Variants in GRHL2 observed in about 807,000 individuals in gnomAD.
GRHL2 encodes the protein grainyhead like transcription factor 2, also known as grainyhead-like protein 2 homolog.
In GRHL2, 21 loss-of-function variants were observed where a neutral mutation model predicts 83.8. That is an observed-to-expected ratio of 0.25 (90% confidence interval 0.18 to 0.36). The LOEUF (loss-of-function observed/expected upper bound fraction) is 0.36. Among genes scored for constraint, GRHL2 ranks in the 10% least tolerant of loss-of-function variants. The probability of loss-of-function intolerance (pLI) is 1.00; values close to 1 mark genes in which losing one functional copy is unlikely to be tolerated. For synonymous variants in GRHL2, 280 were observed against 278.9 expected (o/e 1.00, Z -0.04); for missense variants, 623 against 781.8 (o/e 0.80, Z 2.42).
At position 101,669,669 on chromosome 8, in the gene GRHL2, T is replaced by TTTA. The variant is rs1465491395; in HGVS notation, c.*2969_*2971dup. The TTTA allele has an allele frequency of 1.4e-5, 2 of 147,336 alleles. No homozygotes were observed. Among genetic ancestry groups the TTTA allele is most frequent in the Admixed American group, 6.9e-5 (1 of 14,408 alleles). The allele number at this position is 147,336 out of a possible 1,614,324, so 9.1% of individuals were successfully genotyped here. A position where few individuals can be genotyped will look rare whatever the true frequency, so the allele number is the denominator to read the frequency against. ...ATCTATAAACTATAAATACAGTTAT[T>TTTA]TTATTTTTTGTACATTTTTAAGGAG... On this transcript the variant is annotated 3_prime_UTR_variant, in exon 16 of 16. Transcript: ENST00000646743.
chr8:101,577,549 C>A, intron 7 of GRHL2, 30 bp downstream of exon 7: 1 of 1,385,404 alleles, frequency 7.2e-7, no homozygotes, highest in Non-Finnish European at 1.0e-6. Flanking sequence ...CCTGTATAGT[C>A]CTCGATAAAC....
chr8:101,670,246 T>G (rs1221923890), downstream of GRHL2, among the ~76,000 whole-genome samples: 1 of 152,220 alleles, frequency 6.6e-6, no homozygotes, highest in African/African-American at 2.4e-5. Context: ...GTTTCCTTGG[T>G]GGGTACCACT....
intron 14 of GRHL2, among the ~76,000 whole-genome samples, chr8:101,654,461 T>C (rs1474092389): frequency 3.3e-5 from 5 of 152,196 alleles, no homozygotes; most frequent in Non-Finnish European, 7.3e-5. Flanking sequence ...TTGCTTCCCA[T>C]TGGAGAACCT....
At chr8:101,553,252 G>A (rs1016480686) in intron 3 of GRHL2, among the ~76,000 whole-genome samples, 18 of 152,216 alleles carry the variant, frequency 1.2e-4, no homozygotes, top group Admixed American at 9.8e-4. Context: ...TCAGGGTGAA[G>A]GGGCAGGACA....
intron 9 of GRHL2, among the ~76,000 whole-genome samples, chr8:101,629,421 G>T (rs2130392652): frequency 6.6e-6 from 1 of 151,418 alleles, no homozygotes; most frequent in South Asian, 2.1e-4. Flanking sequence ...ATGCACTGGG[G>T]AACAAAAAAA....
chr8:101,513,374 C>T (rs971929363), intron 1 of GRHL2, among the ~76,000 whole-genome samples: 1 of 152,030 alleles, frequency 6.6e-6, no homozygotes, highest in African/African-American at 2.4e-5. Context: ...ACCCTTAGAA[C>T]AGTCTGTGAG....
At chr8:101,643,875 G>T (rs2129667193) in intron 12 of GRHL2, among the ~76,000 whole-genome samples, 1 of 152,358 alleles carries the variant, frequency 6.6e-6, no homozygotes, top group East Asian at 1.9e-4. Context: ...CACTTTTGAA[G>T]TCTCACCTTT....
intron 8 of GRHL2, among the ~76,000 whole-genome samples, chr8:101,616,457 C>T (rs1812860345): frequency 6.6e-6 from 1 of 152,214 alleles, no homozygotes; most frequent in Admixed American, 6.5e-5. Flanking sequence ...AGGTGTGAGC[C>T]ACCACGCCCA....
In GRHL2 at chr8:101,543,228, CT is replaced by C. The variant is rs777303874; in HGVS notation, c.21-11del. 1.2e-6 allele frequency: 2 copies of C among 1,610,852 alleles called. No individual in the cohort carries two copies. The highest frequency in any genetic ancestry group is 2.2e-5 in the East Asian group (1 of 44,860). ...CTCTGAAAATGAACCTCACATTTCT[CT>C]TGTTTTTACAGTAATAAAAGACTAG... On this transcript the variant is annotated splice_polypyrimidine_tract_variant and intron_variant, in intron 1 of 15. Coordinates refer to ENST00000646743, the MANE Select transcript of GRHL2 (RefSeq NM_024915.4).
At chr8:101,595,083 A>G (rs6980991) in intron 7 of GRHL2, among the ~76,000 whole-genome samples, 30,029 of 152,122 alleles carry the variant, frequency 0.2, 3,718 homozygotes, top group African/African-American at 0.35. Flanking sequence ...AGGACTGAAA[A>G]AGCCAAAAGA....
At chr8:101,524,177 A>G (rs10955255) in intron 1 of GRHL2, among the ~76,000 whole-genome samples, 68,196 of 152,066 alleles carry the variant, frequency 0.45, 17,570 homozygotes, top group Non-Finnish European at 0.58. Flanking sequence ...ATATTAGCAT[A>G]AAGTGATTCA....
intron 1 of GRHL2, among the ~76,000 whole-genome samples, chr8:101,502,813 T>C (rs557142259): frequency 5.3e-5 from 8 of 152,246 alleles, no homozygotes; most frequent in Non-Finnish European, 1.2e-4. Context: ...CTTCTCCTTC[T>C]CTTCTTCTCT....
At chr8:101,662,837 T>C (rs1296036009) in intron 14 of GRHL2, among the ~76,000 whole-genome samples, 5 of 148,598 alleles carry the variant, frequency 3.4e-5, no homozygotes, top group Non-Finnish European at 7.4e-5. Context: ...TGGTGGGTCC[T>C]TCAAATATTC....
At chr8:101,638,714 G>A (rs2892326) in intron 12 of GRHL2, among the ~76,000 whole-genome samples, 17,552 of 152,240 alleles carry the variant, frequency 0.12, 2,173 homozygotes, top group African/African-American at 0.32. Context: ...TTTTCTAAAT[G>A]CCTAATTAGA....
intron 2 of GRHL2, 180 bp downstream of exon 2, chr8:101,543,616 T>C: frequency 1.5e-6 from 1 of 673,126 alleles, no homozygotes; most frequent in South Asian, 1.6e-5. Context: ...AAAGCTCAAC[T>C]TTATCACCCA....
At chr8:101,678,318 T>G in the GRHL2 span, among the ~76,000 whole-genome samples, 577 of 151,982 alleles carry the variant, frequency 3.8e-3, 9 homozygotes, top group East Asian at 0.057. Context: ...AAGAAAGGGG[T>G]GACGGAAGAA....
At chr8:101,531,882 C>G (rs913998063) in intron 1 of GRHL2, among the ~76,000 whole-genome samples, 2 of 152,110 alleles carry the variant, frequency 1.3e-5, no homozygotes, top group Non-Finnish European at 2.9e-5. Context: ...CAATCAGTAT[C>G]TAAAACGAAA....
intron 14 of GRHL2, among the ~76,000 whole-genome samples, chr8:101,650,681 G>C (rs1699188430): frequency 6.6e-6 from 1 of 151,862 alleles, no homozygotes; most frequent in South Asian, 2.1e-4. Flanking sequence ...CTGCTTAATG[G>C]GTTTTCTTTG....
intron 1 of GRHL2, among the ~76,000 whole-genome samples, chr8:101,501,195 T>C (rs766308153): frequency 1.3e-5 from 2 of 152,246 alleles, no homozygotes; most frequent in Admixed American, 6.5e-5. Flanking sequence ...AATCAATGCC[T>C]GTGGTAGATG....
Sources: allele counts gnomAD v4.1 joint callset (sites outside exome capture counted in the v4.1 genomes callset), GRCh38; gene constraint gnomAD v4.1.1; transcripts MANE v1.5; gene names NCBI Gene and HGNC (gene_info 2026-07-23, HGNC 2026-07-21).